The following MORC1 variants were observed in gnomAD, a reference collection of about 807,000 sequenced individuals.
The protein encoded by MORC1 is MORC family CW-type zinc finger protein 1.
Under a neutral mutation model 134.9 loss-of-function variants are expected in MORC1, and 59 were observed. The ratio of observed to expected loss-of-function variants is 0.44; its 90% CI spans 0.35 to 0.54. The LOEUF (loss-of-function observed/expected upper bound fraction) is 0.54. MORC1 is among the 20% of genes least tolerant of loss of function. The pLI is 0.00. For missense variants in MORC1, 947 were observed against 1,134.5 expected (o/e 0.83, Z 2.37); for synonymous variants, 395 against 391.7 (o/e 1.01, Z -0.10).
At chr3:108,971,588 G>T (rs745646110) in intron 24 of MORC1, among the ~76,000 whole-genome samples, 186 bp from the exon 25 acceptor site, 2 of 152,154 alleles carry the variant, frequency 1.3e-5, no homozygotes, top group African/African-American at 2.4e-5. Flanking sequence ...ACTGGGGAGA[G>T]GAAGGTGGGT....
Position 108,984,708 on chromosome 3 carries a change from A to G in MORC1, c.2324+8T>C, listed in dbSNP as rs1212816987. Reference sequence around the variant, plus strand: ...CACTTGGAATTTGTATAACTGTAGTACACTCACCTTTTCCAGCTAGGTAAT... The same window carrying G: ...CACTTGGAATTTGTATAACTGTAGTGCACTCACCTTTTCCAGCTAGGTAAT... On this transcript the variant is annotated splice_region_variant and intron_variant, in intron 23 of 27. Transcript: ENST00000232603. The G allele has an allele frequency of 6.3e-7, 1 of 1,590,896 alleles. No individual in the cohort carries two copies. The highest frequency in any genetic ancestry group is 2.3e-5 in the East Asian group (1 of 43,544).
chr3:109,013,958 T>C (rs959387802), intron 17 of MORC1, among the ~76,000 whole-genome samples: 1 of 152,210 alleles, frequency 6.6e-6, no homozygotes, highest in African/African-American at 2.4e-5. Context: ...CCTGACAAGA[T>C]ACTGGCACCT....
chr3:109,102,202 A>C (rs1478682017), intron 4 of MORC1, among the ~76,000 whole-genome samples: 1 of 152,158 alleles, frequency 6.6e-6, no homozygotes, highest in Admixed American at 6.5e-5. Flanking sequence ...CATGAGATGG[A>C]TTCAAACGAT....
intron 26 of MORC1, 45 bp downstream of exon 26, chr3:108,969,624 C>G: frequency 1.3e-6 from 2 of 1,540,526 alleles, no homozygotes; most frequent in Non-Finnish European, 9.0e-7. Flanking sequence ...CTTTCGAACA[C>G]AGGATCATTT....
At chr3:109,045,390 G>A (rs1004090899) in intron 14 of MORC1, among the ~76,000 whole-genome samples, 2 of 152,122 alleles carry the variant, frequency 1.3e-5, no homozygotes, top group African/African-American at 2.4e-5. Context: ...AGGTGGGATC[G>A]CTTATCATCT....
At chr3:108,978,813 C>T (rs61124275) in intron 24 of MORC1, among the ~76,000 whole-genome samples, 1,727 of 152,268 alleles carry the variant, frequency 0.011, 33 homozygotes, top group African/African-American at 0.038. Context: ...CATCTCACCC[C>T]ACACAAGACC....
intron 21 of MORC1, among the ~76,000 whole-genome samples, chr3:108,989,513 T>G (rs1269012664): frequency 6.6e-6 from 1 of 152,168 alleles, no homozygotes; most frequent in Non-Finnish European, 1.5e-5. Flanking sequence ...GATAAATAAA[T>G]CATAAATAAG....
At chr3:108,959,624 C>T (rs954875961) in intron 27 of MORC1, among the ~76,000 whole-genome samples, 16 of 152,114 alleles carry the variant, frequency 1.1e-4, no homozygotes, top group Admixed American at 5.9e-4. Context: ...CCTACTGAGG[C>T]GATTTCATGC....
intron 17 of MORC1, among the ~76,000 whole-genome samples, chr3:109,016,911 C>T (rs1218750007): frequency 1.3e-5 from 2 of 152,096 alleles, no homozygotes; most frequent in Non-Finnish European, 2.9e-5. Flanking sequence ...GGTCCCATCA[C>T]ACCTGTGTGC....
chr3:109,004,902 G>T lies in MORC1; in HGVS notation c.2014-14C>A. On this transcript the variant is annotated splice_polypyrimidine_tract_variant and intron_variant, in intron 19 of 27. Coordinates refer to ENST00000232603, the MANE Select transcript of MORC1 (RefSeq NM_014429.4). ...AATCTGACTTCTCTTTCAAAACAGA[G>T]AATACAGAAAAAAAAATTAGAAATT... is the stretch of plus-strand genomic sequence containing the variant. The T allele has an allele frequency of 6.2e-7, 1 of 1,605,342 alleles. No individual in the cohort carries two copies. Among genetic ancestry groups the T allele is most frequent in the Non-Finnish European group, 8.5e-7 (1 of 1,177,548 alleles).
intron 21 of MORC1, among the ~76,000 whole-genome samples, chr3:108,998,756 T>C (rs1215567591): frequency 1.1e-4 from 16 of 152,178 alleles, no homozygotes; most frequent in African/African-American, 3.6e-4. Context: ...CTCTGGATAA[T>C]ACGTGTTTAT....
intron 21 of MORC1, among the ~76,000 whole-genome samples, chr3:108,998,538 T>C (rs760535605): frequency 2.6e-5 from 4 of 152,092 alleles, no homozygotes; most frequent in African/African-American, 4.8e-5. Flanking sequence ...GCCTTCCTTC[T>C]TGAAATTTAA....
rs570843405 is a variant in MORC1, at chr3:108,979,752, C to T, written c.2325-85G>A. ...AATATACAAAAATGAGTGAAATGTT[C>T]ATATACAACAAATGAGAACAAGAAC... On this transcript the variant is annotated intron_variant, in intron 23 of 27. Transcript: ENST00000232603. 4.7e-6 allele frequency: 7 copies of T among 1,484,146 alleles called. No homozygotes were observed. The South Asian group carries it at 7.6e-5, about 16-fold the overall frequency. 91.9% of individuals were successfully genotyped at this position (1,484,146 alleles called of 1,614,324 possible).
chr3:108,980,913 G>A (rs762371102), intron 23 of MORC1, among the ~76,000 whole-genome samples: 2 of 152,164 alleles, frequency 1.3e-5, no homozygotes, highest in African/African-American at 4.8e-5. Context: ...GCAGGGCATC[G>A]TGGGCATGGG....
At chr3:108,997,685 AGAAT>A (rs1470801288) in intron 21 of MORC1, among the ~76,000 whole-genome samples, 3 of 152,188 alleles carry the variant, frequency 2.0e-5, no homozygotes, top group African/African-American at 4.8e-5. Context: ...GTAATTTTGG[AGAAT>A]GAATGATCAG....
intron 4 of MORC1, among the ~76,000 whole-genome samples, chr3:109,102,489 A>T (rs1448956812): frequency 6.6e-6 from 1 of 152,134 alleles, no homozygotes; most frequent in Non-Finnish European, 1.5e-5. Context: ...AGAATTTTTT[A>T]AAAACCCGGA....
chr3:108,996,149 T>C (rs571404015), intron 21 of MORC1, among the ~76,000 whole-genome samples: 1 of 152,266 alleles, frequency 6.6e-6, no homozygotes, highest in Non-Finnish European at 1.5e-5. Flanking sequence ...AATACTTGCC[T>C]CTCAGGTTAT....
intron 8 of MORC1, among the ~76,000 whole-genome samples, chr3:109,072,943 A>G (rs1188534866): frequency 1.1e-4 from 6 of 53,546 alleles, no homozygotes; most frequent in African/African-American, 2.9e-4. Context: ...CAACACACAC[A>G]CACACACACA....
intron 21 of MORC1, among the ~76,000 whole-genome samples, chr3:108,997,452 G>A (rs1331308829): frequency 6.6e-6 from 1 of 152,104 alleles, no homozygotes; most frequent in Non-Finnish European, 1.5e-5. Flanking sequence ...CGCTTACAGT[G>A]AGTGGAGATT....
Sources: gnomAD v4.1 joint callset for allele counts (sites outside exome capture counted in the v4.1 genomes callset) on GRCh38, gnomAD v4.1.1 for gene constraint, MANE v1.5 for transcripts, NCBI Gene and HGNC (gene_info 2026-07-23, HGNC 2026-07-21) for gene names.